Variants in CRIM1 observed in about 807,000 individuals in gnomAD.
The protein encoded by CRIM1 is cysteine rich transmembrane BMP regulator 1.
A neutral mutation model predicts 116.4 loss-of-function variants in CRIM1; 32 were observed. The ratio of observed to expected loss-of-function variants is 0.27; its 90% confidence interval spans 0.21 to 0.37. The LOEUF (loss-of-function observed/expected upper bound fraction) is 0.37. Ranked by LOEUF, CRIM1 falls within the 10% of genes least tolerant of loss-of-function variation. CRIM1 has a pLI of 1.00. For synonymous variants in CRIM1, 590 were observed against 509.2 expected (o/e 1.16, Z -2.13); for missense variants, 1,331 against 1,354.8 (o/e 0.98, Z 0.28).
chr2:36,391,685 C>A (rs917540641), intron 1 of CRIM1, among the ~76,000 whole-genome samples: 1 of 151,996 alleles, frequency 6.6e-6, no homozygotes. Flanking sequence ...GGCTACAGAC[C>A]GCTTAGAAGC....
At chr2:36,460,280 G>A (rs1056217575) in intron 4 of CRIM1, among the ~76,000 whole-genome samples, 8 of 152,150 alleles carry the variant, frequency 5.3e-5, no homozygotes, top group African/African-American at 1.9e-4. Context: ...AAGTTAAAAA[G>A]CCCTTAGCCC....
intron 13 of CRIM1, among the ~76,000 whole-genome samples, chr2:36,535,460 A>C (rs1666478927): frequency 6.6e-6 from 1 of 152,180 alleles, no homozygotes; most frequent in African/African-American, 2.4e-5. Context: ...ATTTCTGTGG[A>C]GCATCTACAA....
intron 7 of CRIM1, among the ~76,000 whole-genome samples, chr2:36,492,879 T>C (rs1680327787): frequency 6.6e-6 from 1 of 152,100 alleles, no homozygotes; most frequent in African/African-American, 2.4e-5. Flanking sequence ...AAAATAAAAC[T>C]ACCTTAAGAA....
intron 1 of CRIM1, among the ~76,000 whole-genome samples, chr2:36,367,750 G>T (rs981270163): frequency 1.3e-5 from 2 of 152,156 alleles, no homozygotes; most frequent in African/African-American, 4.8e-5. Context: ...TTTATCAAGC[G>T]GCAGTGGAGA....
At chr2:36,522,822 GAA>G in intron 13 of CRIM1, among the ~76,000 whole-genome samples, 1 of 143,002 alleles carries the variant, frequency 7.0e-6, no homozygotes, top group Admixed American at 7.0e-5. Flanking sequence ...AAAAGAAGAA[GAA>G]GAAGAAGGAG....
intron 2 of CRIM1, among the ~76,000 whole-genome samples, chr2:36,423,061 A>C (rs1572697036): frequency 6.6e-6 from 1 of 152,228 alleles, no homozygotes; most frequent in African/African-American, 2.4e-5. Context: ...CTTCCATACT[A>C]GAGTATTTTA....
chr2:36,417,490 T>A (rs1342099902), intron 2 of CRIM1, among the ~76,000 whole-genome samples: 1 of 152,238 alleles, frequency 6.6e-6, no homozygotes, highest in Non-Finnish European at 1.5e-5. Context: ...TTCTGTTACC[T>A]TTCTCTTACC....
At chr2:36,438,072 C>G (rs1196659216) in intron 2 of CRIM1, among the ~76,000 whole-genome samples, 4 of 148,498 alleles carry the variant, frequency 2.7e-5, no homozygotes, top group African/African-American at 1.0e-4. Context: ...GTGGAGGTTG[C>G]AGTGAGCTGA....
chr2:36,380,063 CA>C (rs895479703), intron 1 of CRIM1, among the ~76,000 whole-genome samples: 1 of 152,170 alleles, frequency 6.6e-6, no homozygotes, highest in African/African-American at 2.4e-5. Context: ...GCATGAATGG[CA>C]GCCCTAAATG....
At chr2:36,537,275 C>G (rs1572956463) in intron 13 of CRIM1, 77 bp from the exon 14 acceptor site, 1 of 1,330,098 alleles carries the variant, frequency 7.5e-7, no homozygotes, top group East Asian at 2.3e-5. Flanking sequence ...CAAAGCTATC[C>G]CTTGATCTCT....
At chr2:36,475,306 AT>A (rs1281877668) in intron 5 of CRIM1, among the ~76,000 whole-genome samples, 4 of 152,184 alleles carry the variant, frequency 2.6e-5, no homozygotes, top group African/African-American at 4.8e-5. Flanking sequence ...GTTTGTACTT[AT>A]GTTATTACAT....
chr2:36,504,120 C>T (rs146206515), intron 8 of CRIM1, among the ~76,000 whole-genome samples: 196 of 152,132 alleles, frequency 1.3e-3, no homozygotes, highest in African/African-American at 4.5e-3. Context: ...GCAATCTGCC[C>T]GACTCGATCT....
chr2:36,401,149 A>G (rs144253164), intron 2 of CRIM1, among the ~76,000 whole-genome samples: 3 of 152,322 alleles, frequency 2.0e-5, no homozygotes, highest in African/African-American at 7.2e-5. Flanking sequence ...CTTATGGAGA[A>G]TACTGGAAAT....
chr2:36,395,313 T>G (rs547094767), intron 1 of CRIM1, among the ~76,000 whole-genome samples: 1 of 152,290 alleles, frequency 6.6e-6, no homozygotes, highest in South Asian at 2.1e-4. Context: ...AAAACAGATT[T>G]TTAAGATGGC....
chr2:36,470,699 A>G (rs560020797), intron 5 of CRIM1, among the ~76,000 whole-genome samples: 15 of 152,342 alleles, frequency 9.8e-5, no homozygotes, highest in Admixed American at 9.2e-4. Flanking sequence ...GGAGGTGTAC[A>G]AGATTAGTGT....
chr2:36,379,745 T>C (rs1476797591), intron 1 of CRIM1, among the ~76,000 whole-genome samples: 6 of 146,978 alleles, frequency 4.1e-5, no homozygotes, highest in Non-Finnish European at 6.0e-5. Flanking sequence ...TTTCTCTCTT[T>C]TTTTTTTTTT....
chr2:36,360,233 A>C (rs927531726), intron 1 of CRIM1, among the ~76,000 whole-genome samples: 1 of 152,220 alleles, frequency 6.6e-6, no homozygotes, highest in Non-Finnish European at 1.5e-5. Flanking sequence ...GTTAAAGGGC[A>C]GATGGTGACT....
intron 5 of CRIM1, among the ~76,000 whole-genome samples, chr2:36,474,787 G>A (rs1156621414): frequency 7.7e-5 from 11 of 142,740 alleles, no homozygotes; most frequent in Non-Finnish European, 6.0e-5. Flanking sequence ...GGTAAAGGTT[G>A]CAGTGAGCTC....
At chr2:36,449,512 G>C (rs1377515188) in intron 4 of CRIM1, among the ~76,000 whole-genome samples, 2 of 152,200 alleles carry the variant, frequency 1.3e-5, no homozygotes, top group Non-Finnish European at 2.9e-5. Flanking sequence ...TGTTCAGAAA[G>C]GGCACGAATC....
Sources: gnomAD v4.1 joint callset for allele counts (sites outside exome capture counted in the v4.1 genomes callset) on GRCh38, gnomAD v4.1.1 for gene constraint, MANE v1.5 for transcripts, NCBI Gene and HGNC (gene_info 2026-07-23, HGNC 2026-07-21) for gene names.